GALNTL6: variants seen among roughly 807,000 people sequenced by gnomAD.
GALNTL6 encodes the protein polypeptide N-acetylgalactosaminyltransferase-like 6.
GALNTL6 carries 46 observed loss-of-function variants against 73.7 expected under a neutral mutation model. The ratio of observed to expected loss-of-function variants is 0.62; its 90% confidence interval spans 0.49 to 0.80. The LOEUF (loss-of-function observed/expected upper bound fraction) is 0.80. Among genes scored for constraint, GALNTL6 ranks in the 30% least tolerant of loss-of-function variants. The pLI is 0.00. For synonymous variants in GALNTL6, 259 were observed against 263.7 expected (o/e 0.98, Z 0.17); for missense variants, 604 against 755.0 (o/e 0.80, Z 2.34).
intron 5 of GALNTL6, among the ~76,000 whole-genome samples, chr4:172,656,476 G>A (rs1731020826): frequency 6.6e-6 from 1 of 152,216 alleles, no homozygotes; most frequent in African/African-American, 2.4e-5. Context: ...ACATAGTGGT[G>A]CTGGTGAGAC....
intron 7 of GALNTL6, among the ~76,000 whole-genome samples, chr4:172,828,271 C>CAAAAAA (rs35836916): frequency 8.2e-6 from 1 of 122,378 alleles, no homozygotes; most frequent in South Asian, 2.6e-4. Flanking sequence ...GACTCCATCT[C>CAAAAAA]AAAAAAAAAA....
At chr4:171,864,031 G>T (rs558328387) in intron 2 of GALNTL6, among the ~76,000 whole-genome samples, 4 of 152,216 alleles carry the variant, frequency 2.6e-5, no homozygotes, top group African/African-American at 9.6e-5. Flanking sequence ...CAAAGTGCTG[G>T]GATTACAGGC....
intron 10 of GALNTL6, among the ~76,000 whole-genome samples, chr4:172,982,643 T>A (rs557873988): frequency 6.6e-6 from 1 of 152,284 alleles, no homozygotes; most frequent in Non-Finnish European, 1.5e-5. Flanking sequence ...ATAAATTACC[T>A]ATGTATTGTC....
At chr4:172,862,516 G>A (rs1744447338) in intron 7 of GALNTL6, among the ~76,000 whole-genome samples, 1 of 152,126 alleles carries the variant, frequency 6.6e-6, no homozygotes, top group Admixed American at 6.5e-5. Flanking sequence ...GGCCAATATG[G>A]TGAAAACCTC....
intron 5 of GALNTL6, among the ~76,000 whole-genome samples, chr4:172,770,061 C>T (rs375216855): frequency 6.6e-6 from 1 of 152,046 alleles, no homozygotes; most frequent in South Asian, 2.1e-4. Flanking sequence ...GTCAGGAGTT[C>T]GAAACCAGCC....
At chr4:172,180,159 C>T (rs1198091879) in intron 2 of GALNTL6, among the ~76,000 whole-genome samples, 5 of 152,190 alleles carry the variant, frequency 3.3e-5, no homozygotes, top group African/African-American at 1.2e-4. Context: ...GAGATGGTAT[C>T]TCATTGTGGC....
At chr4:172,675,253 C>T (rs2111216069) in intron 5 of GALNTL6, among the ~76,000 whole-genome samples, 1 of 152,248 alleles carries the variant, frequency 6.6e-6, no homozygotes, top group Non-Finnish European at 1.5e-5. Flanking sequence ...TTCTCAGGTC[C>T]CAACTCCTAG....
In GALNTL6 at chr4:171,978,660, CA is replaced by C. The variant is rs575809863; in HGVS notation, c.138+163944del. On this transcript the variant is annotated intron_variant, in intron 2 of 12. Coordinates refer to ENST00000506823, the MANE Select transcript of GALNTL6 (RefSeq NM_001034845.3). ...AATTACAATGTTTTCTAAATTATTC[CA>C]AGCTAGGAAAAGAAAAATTAAGTCC... Among the ~76,000 whole-genome samples, 214 of 152,126 alleles carry C rather than the reference CA, an allele frequency of 1.4e-3. 1 individual carries two copies. Among genetic ancestry groups the C allele is most frequent in the African/African-American group, 4.9e-3 (203 of 41,488 alleles).
At chr4:172,185,889 A>T (rs531882550) in intron 2 of GALNTL6, among the ~76,000 whole-genome samples, 78 of 152,324 alleles carry the variant, frequency 5.1e-4, no homozygotes, top group Non-Finnish European at 1.0e-3. Context: ...GAATTACAGA[A>T]ATATCTCAAC....
At chr4:172,678,162 C>CA (rs34062826) in intron 5 of GALNTL6, among the ~76,000 whole-genome samples, 316 of 152,292 alleles carry the variant, frequency 2.1e-3, no homozygotes, top group Middle Eastern at 6.8e-3. Flanking sequence ...CTGAGGCCTA[C>CA]AGGGCGATTT....
At chr4:171,983,012 T>A (rs1446692785) in intron 2 of GALNTL6, among the ~76,000 whole-genome samples, 8 of 152,296 alleles carry the variant, frequency 5.3e-5, no homozygotes, top group African/African-American at 1.4e-4. Context: ...CCCTCCCTTT[T>A]TTCCTCCTTG....
chr4:172,953,660 AGGGTCACTCTTCATACCT>A (rs1480740093), intron 10 of GALNTL6, among the ~76,000 whole-genome samples: 1 of 152,134 alleles, frequency 6.6e-6, no homozygotes, highest in Non-Finnish European at 1.5e-5. Context: ...TTGTGTTCAG[AGGGTCACTCTTCATACCT>A]GGGACACCCA....
intron 8 of GALNTL6, among the ~76,000 whole-genome samples, chr4:172,888,688 T>G (rs1745857404): frequency 1.3e-5 from 2 of 152,198 alleles, no homozygotes; most frequent in African/African-American, 4.8e-5. Flanking sequence ...ATTTAGGTAA[T>G]GTGGTACCTC....
At chr4:172,429,223 A>ATTTTTTTTTT (rs1220824953) in intron 5 of GALNTL6, among the ~76,000 whole-genome samples, 1 of 147,158 alleles carries the variant, frequency 6.8e-6, no homozygotes, top group Admixed American at 6.8e-5. Context: ...ATTTTATTTT[A>ATTTTTTTTTT]TTTTTTGAGA....
intron 5 of GALNTL6, among the ~76,000 whole-genome samples, chr4:172,563,007 G>T (rs1427386155): frequency 6.6e-6 from 1 of 152,102 alleles, no homozygotes; most frequent in Non-Finnish European, 1.5e-5. Context: ...TAGCTGACTG[G>T]GGTTAATATC....
chr4:172,074,775 A>G (rs1293704926), intron 2 of GALNTL6, among the ~76,000 whole-genome samples: 2 of 152,144 alleles, frequency 1.3e-5, no homozygotes, highest in African/African-American at 2.4e-5. Flanking sequence ...CGAGAATATC[A>G]CTTGGGGCAA....
intron 5 of GALNTL6, among the ~76,000 whole-genome samples, chr4:172,659,610 C>T (rs146136388): frequency 5.9e-5 from 9 of 152,204 alleles, no homozygotes; most frequent in African/African-American, 2.2e-4. Flanking sequence ...TTTTGGGGCA[C>T]TGTGATGTCT....
intron 2 of GALNTL6, among the ~76,000 whole-genome samples, chr4:172,039,585 A>G (rs1742028944): frequency 6.6e-6 from 1 of 152,142 alleles, no homozygotes; most frequent in African/African-American, 2.4e-5. Context: ...TCTACAAAGG[A>G]CAGTTCATAA....
intron 2 of GALNTL6, among the ~76,000 whole-genome samples, chr4:171,924,183 TACACACACACAC>T (rs371649848): frequency 1.4e-5 from 2 of 142,458 alleles, no homozygotes; most frequent in African/African-American, 5.2e-5. Context: ...ACCACACACA[TACACACACACAC>T]ACACACACAC....
Sources: allele counts gnomAD v4.1 joint callset (sites outside exome capture counted in the v4.1 genomes callset), GRCh38; gene constraint gnomAD v4.1.1; transcripts MANE v1.5; gene names NCBI Gene and HGNC (gene_info 2026-07-23, HGNC 2026-07-21).